SNX29: variants seen among roughly 807,000 people sequenced by gnomAD.
SNX29 encodes sorting nexin-29.
Under a neutral mutation model 102.1 loss-of-function variants are expected in SNX29, and 78 were observed. The ratio of observed to expected loss-of-function variants is 0.76; its 90% confidence interval spans 0.64 to 0.92. The LOEUF is 0.92. Ranked by LOEUF, SNX29 falls within the 40% of genes least tolerant of loss-of-function variation. The pLI is 0.00. For synonymous variants in SNX29, 580 were observed against 414.5 expected, an observed-to-expected ratio of 1.40 and a Z score of -4.85; for missense variants, 1,280 against 1,061.7, an observed-to-expected ratio of 1.21 and a Z score of -2.86.
chr16:12,216,563 A>C (rs1256917429), intron 14 of SNX29, among the ~76,000 whole-genome samples: 1 of 152,124 alleles, frequency 6.6e-6, no homozygotes, highest in Admixed American at 6.5e-5. Flanking sequence ...ATGTCTTCCT[A>C]AGGAAGGTGA....
chr16:12,372,233 C>G (rs1177205264), intron 16 of SNX29, among the ~76,000 whole-genome samples: 2 of 152,204 alleles, frequency 1.3e-5, no homozygotes, highest in African/African-American at 4.8e-5. Flanking sequence ...ATTCTTCAGT[C>G]ATGAATATAT....
rs1056827938 is a variant in SNX29 at position 12,571,652 on chromosome 16, C to T, written c.*3023C>T. ...TTTCTCCCCCAGATGAAAGACGACT[C>T]AGGAACGGTAGGGCTGGGCAGAGGT... On this transcript the variant is annotated 3_prime_UTR_variant, in exon 21 of 21. Transcript: ENST00000566228. The T allele has an allele frequency of 7.6e-6, 8 of 1,059,270 alleles. No individual in the cohort carries two copies. The highest frequency in any genetic ancestry group is 5.2e-5 in the East Asian group (1 of 19,344). The allele number at this position is 1,059,270 out of a possible 1,614,324, so 65.6% of individuals were successfully genotyped here.
At chr16:12,341,909 T>C (rs1230877773) in intron 15 of SNX29, among the ~76,000 whole-genome samples, 2 of 152,222 alleles carry the variant, frequency 1.3e-5, no homozygotes, top group African/African-American at 4.8e-5. Flanking sequence ...TTAGAGCAGC[T>C]GTGGGCTAGT....
At chr16:12,542,244 C>T (rs367878665) in intron 20 of SNX29, among the ~76,000 whole-genome samples, 35 of 148,816 alleles carry the variant, frequency 2.4e-4, no homozygotes, top group African/African-American at 6.8e-4. Flanking sequence ...TAGTGTTATT[C>T]CCTTTATAGA....
intron 14 of SNX29, among the ~76,000 whole-genome samples, chr16:12,257,501 A>ATGTC (rs1555498998): frequency 6.7e-6 from 1 of 149,876 alleles, no homozygotes; most frequent in Non-Finnish European, 1.5e-5. Context: ...TACCACTAGC[A>ATGTC]TCTCTCTCTC....
chr16:12,127,421 A>G (rs564021076), intron 12 of SNX29, among the ~76,000 whole-genome samples: 91 of 120,622 alleles, frequency 7.5e-4, no homozygotes, highest in African/African-American at 3.3e-3. Flanking sequence ...TAGCCTAGGC[A>G]GTCTTTTTTT....
chr16:12,076,309 T>C (rs1286211047), intron 10 of SNX29, among the ~76,000 whole-genome samples: 1 of 151,622 alleles, frequency 6.6e-6, no homozygotes, highest in African/African-American at 2.4e-5. Context: ...CTCCCTTTTT[T>C]TTTTTTTTTT....
intron 18 of SNX29, among the ~76,000 whole-genome samples, chr16:12,449,782 C>G (rs1197246597): frequency 2.0e-5 from 3 of 152,198 alleles, no homozygotes; most frequent in Non-Finnish European, 1.5e-5. Flanking sequence ...GTGAACTTTC[C>G]TAAATCCCAT....
chr16:12,173,858 C>G (rs531357642), intron 13 of SNX29, among the ~76,000 whole-genome samples: 3 of 152,298 alleles, frequency 2.0e-5, no homozygotes, highest in Admixed American at 1.3e-4. Flanking sequence ...GCGATCTCAG[C>G]TCACTCTGCC....
At chr16:12,474,005 A>G (rs2087477893) in intron 18 of SNX29, among the ~76,000 whole-genome samples, 1 of 152,114 alleles carries the variant, frequency 6.6e-6, no homozygotes. Context: ...ATTTTACTCT[A>G]CAGACTCGCC....
intron 13 of SNX29, among the ~76,000 whole-genome samples, chr16:12,150,495 C>CAGTGAGATTGTGCCGCCTTT (rs1280185752): frequency 6.6e-6 from 1 of 152,242 alleles, no homozygotes; most frequent in Non-Finnish European, 1.5e-5. Context: ...CTGGCGTCTT[C>CAGTGAGATTGTGCCGCCTTT]AGTGAGATTG....
intron 20 of SNX29, among the ~76,000 whole-genome samples, chr16:12,562,295 A>T (rs1448369108): frequency 2.6e-5 from 4 of 152,062 alleles, no homozygotes; most frequent in Middle Eastern, 3.2e-3. Flanking sequence ...CCAGCATCAA[A>T]CGTTATCGTT....
chr16:12,517,748 G>C (rs2089927676), intron 19 of SNX29, among the ~76,000 whole-genome samples: 1 of 152,150 alleles, frequency 6.6e-6, no homozygotes, highest in Admixed American at 6.5e-5. Context: ...GTGAAGGAAT[G>C]AGACTATCCC....
intron 16 of SNX29, among the ~76,000 whole-genome samples, chr16:12,358,517 T>G (rs1385216336): frequency 6.6e-6 from 1 of 152,198 alleles, no homozygotes; most frequent in Non-Finnish European, 1.5e-5. Flanking sequence ...TCTGACCTTC[T>G]CCTGCTCTCT....
At chr16:12,492,141 C>T (rs919930643) in intron 19 of SNX29, among the ~76,000 whole-genome samples, 3 of 152,206 alleles carry the variant, frequency 2.0e-5, no homozygotes, top group Non-Finnish European at 4.4e-5. Context: ...TTTACAGTCC[C>T]ACCAACAGTG....
At chr16:12,212,625 G>A (rs1010366486) in intron 14 of SNX29, among the ~76,000 whole-genome samples, 6 of 152,202 alleles carry the variant, frequency 3.9e-5, no homozygotes, top group South Asian at 2.1e-4. Flanking sequence ...TTTGTAGGCC[G>A]TTTGTATATC....
intron 18 of SNX29, among the ~76,000 whole-genome samples, chr16:12,425,449 C>T (rs1391686752): frequency 1.3e-5 from 2 of 150,678 alleles, no homozygotes; most frequent in Non-Finnish European, 2.9e-5. Context: ...GAAGGAGGCC[C>T]AGGAGCCCTG....
At chr16:12,480,275 T>A (rs2087846445) in intron 19 of SNX29, among the ~76,000 whole-genome samples, 1 of 152,228 alleles carries the variant, frequency 6.6e-6, no homozygotes, top group African/African-American at 2.4e-5. Context: ...GGCCTCTTCC[T>A]TCTGGAGCCC....
intron 20 of SNX29, among the ~76,000 whole-genome samples, chr16:12,559,085 C>T (rs575820116): frequency 4.6e-5 from 7 of 152,272 alleles, no homozygotes; most frequent in Non-Finnish European, 8.8e-5. Flanking sequence ...TGTCCCCGTG[C>T]TCCTTAGTCT....
Sources: allele counts gnomAD v4.1 joint callset (sites outside exome capture counted in the v4.1 genomes callset), GRCh38; gene constraint gnomAD v4.1.1; transcripts MANE v1.5; gene names NCBI Gene and HGNC (gene_info 2026-07-23, HGNC 2026-07-21).